DPP6: variants seen among roughly 807,000 people sequenced by gnomAD.
The protein encoded by DPP6 is A-type potassium channel modulatory protein DPP6.
DPP6 carries 69 observed loss-of-function variants against 122.6 expected under a neutral mutation model. The observed-to-expected ratio is 0.56, with a 90% CI of 0.46 to 0.69. The LOEUF (loss-of-function observed/expected upper bound fraction) is 0.69, where lower values mean the gene tolerates loss of function less well. DPP6 is among the 30% of genes least tolerant of loss of function. The pLI is 0.00. For missense variants in DPP6, 928 were observed against 1,116.9 expected (o/e 0.83, Z 2.41); for synonymous variants, 418 against 433.1 (o/e 0.97, Z 0.43).
intron 1 of DPP6, among the ~76,000 whole-genome samples, chr7:154,100,603 G>A (rs1281627264): frequency 1.2e-5 from 1 of 83,100 alleles, no homozygotes; most frequent in African/African-American, 6.5e-5. Flanking sequence ...AGCCACACTC[G>A]GGGCAAGACC....
intron 7 of DPP6, among the ~76,000 whole-genome samples, chr7:154,724,854 T>C (rs1841990592): frequency 6.6e-6 from 1 of 152,186 alleles, no homozygotes; most frequent in Admixed American, 6.5e-5. Context: ...ATGGTGGTGA[T>C]GGTTGCACAA....
intron 1 of DPP6, among the ~76,000 whole-genome samples, chr7:154,196,542 T>G (rs1197776660): frequency 6.6e-6 from 1 of 152,182 alleles, no homozygotes; most frequent in Non-Finnish European, 1.5e-5. Flanking sequence ...GTAAATGAAT[T>G]CAGTGAATTT....
At chr7:154,585,063 C>T (rs1832350312) in intron 5 of DPP6, among the ~76,000 whole-genome samples, 1 of 152,142 alleles carries the variant, frequency 6.6e-6, no homozygotes, top group East Asian at 1.9e-4. Flanking sequence ...TGCTCTGCTT[C>T]CTTCAGGGCA....
intron 1 of DPP6, among the ~76,000 whole-genome samples, chr7:153,992,005 C>T (rs1450525763): frequency 6.6e-6 from 1 of 152,080 alleles, no homozygotes; most frequent in East Asian, 1.9e-4. Flanking sequence ...GCTGTGTCCT[C>T]CATGGCAGAA....
chr7:154,699,954 A>G (rs1046653834), intron 7 of DPP6, among the ~76,000 whole-genome samples: 3 of 152,166 alleles, frequency 2.0e-5, no homozygotes, highest in Admixed American at 6.5e-5. Flanking sequence ...CTCACCTGAA[A>G]AGGGTGTCCT....
chr7:154,214,757 A>G (rs1192071161), intron 1 of DPP6, among the ~76,000 whole-genome samples: 2 of 152,160 alleles, frequency 1.3e-5, no homozygotes, highest in Non-Finnish European at 2.9e-5. Context: ...CTTTACCAAA[A>G]GTAGAAAGAA....
intron 1 of DPP6, among the ~76,000 whole-genome samples, chr7:154,301,786 CTTTTTTTTTT>C (rs869114137): frequency 2.0e-4 from 24 of 119,834 alleles, no homozygotes; most frequent in East Asian, 5.0e-4. Flanking sequence ...GATCTGCCCT[CTTTTTTTTTT>C]TTTTTTTTTT....
At chr7:154,332,216 C>T (rs1355855932) in intron 1 of DPP6, among the ~76,000 whole-genome samples, 1 of 152,040 alleles carries the variant, frequency 6.6e-6, no homozygotes, top group Admixed American at 6.5e-5. Context: ...GGATTACAGG[C>T]ACATGCCACC....
chr7:154,820,602 A>G (rs1429888326), intron 16 of DPP6, among the ~76,000 whole-genome samples: 1 of 152,194 alleles, frequency 6.6e-6, no homozygotes, highest in Non-Finnish European at 1.5e-5. Flanking sequence ...ACAACACCAG[A>G]AAGTGCCCTA....
At chr7:153,758,117 C>G in the DPP6 span, among the ~76,000 whole-genome samples, 1 of 152,250 alleles carries the variant, frequency 6.6e-6, no homozygotes, top group African/African-American at 2.4e-5. Flanking sequence ...AAAATTATGA[C>G]CTCCAGCAAG....
At chr7:154,573,187 G>T (rs1202860862) in intron 5 of DPP6, among the ~76,000 whole-genome samples, 1 of 152,080 alleles carries the variant, frequency 6.6e-6, no homozygotes, top group Non-Finnish European at 1.5e-5. Context: ...CCCACCTCTG[G>T]GAACCAGTTG....
chr7:153,933,698 C>G (rs919126424), intron 1 of DPP6, among the ~76,000 whole-genome samples: 6 of 152,118 alleles, frequency 3.9e-5, no homozygotes, highest in East Asian at 1.9e-4. Flanking sequence ...CTCTCTCTCT[C>G]TCTCTCTCAC....
intron 1 of DPP6, among the ~76,000 whole-genome samples, chr7:154,194,679 G>T (rs189116725): frequency 6.6e-6 from 1 of 152,176 alleles, no homozygotes; most frequent in African/African-American, 2.4e-5. Flanking sequence ...TCCAATAGGC[G>T]TATAGCAATA....
At chr7:154,143,340 G>A (rs1198773547) in intron 1 of DPP6, among the ~76,000 whole-genome samples, 3 of 152,068 alleles carry the variant, frequency 2.0e-5, no homozygotes, top group Non-Finnish European at 4.4e-5. Context: ...AACAAATCAT[G>A]AATTATCATC....
At chr7:154,636,941 A>G (rs1835762727) in intron 5 of DPP6, among the ~76,000 whole-genome samples, 1 of 152,226 alleles carries the variant, frequency 6.6e-6, no homozygotes, top group Non-Finnish European at 1.5e-5. Flanking sequence ...ACCAGCTCTC[A>G]GAGGTTTCAC....
chr7:154,599,192 G>C, intron 5 of DPP6, among the ~76,000 whole-genome samples: 1 of 152,182 alleles, frequency 6.6e-6, no homozygotes, highest in East Asian at 1.9e-4. Flanking sequence ...CTTTGGTAGA[G>C]AACTCAGCAG....
chr7:153,758,095 G>A, the DPP6 span, among the ~76,000 whole-genome samples: 1 of 152,228 alleles, frequency 6.6e-6, no homozygotes, highest in Non-Finnish European at 1.5e-5. Flanking sequence ...ATGTCCTTTA[G>A]ACTTCAGTGT....
At chr7:154,093,841 G>A (rs1805108795) in intron 1 of DPP6, 1 of 151,564 alleles carries the variant, frequency 6.6e-6, no homozygotes, top group Non-Finnish European at 1.5e-5. Context: ...TGTGGCACGT[G>A]TGGTGTGGGT....
At chr7:154,267,320 C>T (rs1431107514) in intron 1 of DPP6, among the ~76,000 whole-genome samples, 1 of 146,050 alleles carries the variant, frequency 6.8e-6, no homozygotes, top group African/African-American at 2.5e-5. Context: ...TAATATATTA[C>T]AATATATAAT....
Sources: allele counts gnomAD v4.1 joint callset (sites outside exome capture counted in the v4.1 genomes callset), GRCh38; gene constraint gnomAD v4.1.1; transcripts MANE v1.5; gene names NCBI Gene and HGNC (gene_info 2026-07-23, HGNC 2026-07-21).